The following SORCS2 variants were observed in gnomAD, a reference collection of about 807,000 sequenced individuals.
SORCS2 encodes VPS10 domain-containing receptor SorCS2.
Under a neutral mutation model 141.6 loss-of-function variants are expected in SORCS2, and 100 were observed. The observed-to-expected ratio is 0.71, with a 90% CI of 0.60 to 0.83. The LOEUF is 0.83. Among genes scored for constraint, SORCS2 ranks in the 40% least tolerant of loss-of-function variants. The pLI is 0.00. For missense variants in SORCS2, 1,646 were observed against 1,560.2 expected (o/e 1.05, Z -0.93); for synonymous variants, 789 against 676.9 (o/e 1.17, Z -2.57).
rs1448140905 is a variant in SORCS2, at chr4:7,350,234, C to T, written c.481-46054C>T. On this transcript the variant is annotated intron_variant, in intron 1 of 26. Transcript: ENST00000507866. ...TGTCCTTCCAAACCAGGAAAGCACTCCCCACATGCAGGTGTTTGCAGCAAT... is the reference window on the plus strand; with the variant it reads ...TGTCCTTCCAAACCAGGAAAGCACTTCCCACATGCAGGTGTTTGCAGCAAT... 2.0e-5 allele frequency among the ~76,000 whole-genome samples: 3 copies of T among 152,208 alleles called. No individual in the cohort carries two copies. The East Asian group carries it at 5.8e-4, about 29-fold the overall frequency.
chr4:7,462,832 G>A (rs1254712409), intron 2 of SORCS2, among the ~76,000 whole-genome samples: 1 of 150,254 alleles, frequency 6.7e-6, no homozygotes, highest in Non-Finnish European at 1.5e-5. Flanking sequence ...CTGTCACGGT[G>A]CACTCGCCAG....
intron 1 of SORCS2, among the ~76,000 whole-genome samples, chr4:7,371,109 C>A (rs1455975965): frequency 6.6e-6 from 1 of 152,228 alleles, no homozygotes; most frequent in Non-Finnish European, 1.5e-5. Flanking sequence ...GTGAAGGGAG[C>A]ACTTCACATG....
chr4:7,445,008 G>T (rs1171088636), intron 2 of SORCS2, among the ~76,000 whole-genome samples: 1 of 152,224 alleles, frequency 6.6e-6, no homozygotes, highest in Non-Finnish European at 1.5e-5. Flanking sequence ...CTGATCCAGG[G>T]CGGGGAGCAG....
chr4:7,611,929 C>T (rs1718430657), intron 3 of SORCS2, among the ~76,000 whole-genome samples: 1 of 152,216 alleles, frequency 6.6e-6, no homozygotes, highest in South Asian at 2.1e-4. Context: ...TGCCGAGAGG[C>T]CAGGGAGGCC....
chr4:7,583,935 G>A (rs1716357468), intron 3 of SORCS2, among the ~76,000 whole-genome samples: 1 of 152,174 alleles, frequency 6.6e-6, no homozygotes, highest in African/African-American at 2.4e-5. Flanking sequence ...CCTCTAATGT[G>A]CTACGTCTTA....
chr4:7,686,730 G>A (rs950489744), intron 10 of SORCS2, among the ~76,000 whole-genome samples: 11 of 152,240 alleles, frequency 7.2e-5, no homozygotes, highest in African/African-American at 2.2e-4. Context: ...CAAGCCTGCC[G>A]GCATTGCCCT....
intron 1 of SORCS2, among the ~76,000 whole-genome samples, chr4:7,211,912 T>C (rs1471541767): frequency 6.6e-6 from 1 of 152,090 alleles, no homozygotes; most frequent in Non-Finnish European, 1.5e-5. Context: ...CATAGAAGTG[T>C]TTTTTGTAGT....
rs956821996 is a variant in SORCS2, at chr4:7,638,583, C to A, written c.813+91C>A. The A allele has an allele frequency of 1.2e-5, 17 of 1,363,450 alleles. No individual in the cohort carries two copies. In the South Asian group the frequency reaches 2.2e-4, roughly 18 times the overall value. The allele number at this position is 1,363,450 out of a possible 1,614,324, so 84.5% of individuals were successfully genotyped here. On this transcript the variant is annotated intron_variant, in intron 4 of 26. Coordinates refer to ENST00000507866, the MANE Select transcript of SORCS2 (RefSeq NM_020777.3). Reference sequence around the variant, plus strand: ...GAGTGCCCACTTGGAGCAAGTGGGACCCGGAACCCCTGGGCTGGCTGAGGA... The same window carrying A: ...GAGTGCCCACTTGGAGCAAGTGGGAACCGGAACCCCTGGGCTGGCTGAGGA...
chr4:7,358,623 C>T (rs898814986), intron 1 of SORCS2, among the ~76,000 whole-genome samples: 6 of 152,138 alleles, frequency 3.9e-5, no homozygotes, highest in African/African-American at 1.4e-4. Context: ...CTCTAAGTAG[C>T]GTTTCTATTT....
chr4:7,416,867 C>A (rs912674984), intron 2 of SORCS2, among the ~76,000 whole-genome samples: 1 of 152,108 alleles, frequency 6.6e-6, no homozygotes, highest in African/African-American at 2.4e-5. Flanking sequence ...CACACTTGTG[C>A]ATGCTCAGAC....
chr4:7,282,325 G>A (rs190440125), intron 1 of SORCS2, among the ~76,000 whole-genome samples: 120 of 152,314 alleles, frequency 7.9e-4, no homozygotes, highest in African/African-American at 2.8e-3. Flanking sequence ...TTTAAGACAG[G>A]ATCTTTTCCT....
rs1339795136 is a variant in SORCS2 at position 7,388,030 on chromosome 4, GCACACATGCACA to G, written c.481-8241_481-8230del. Among the ~76,000 whole-genome samples the G allele has an allele frequency of 4.1e-4, 52 of 126,866 alleles. 1 individual carries two copies. Among genetic ancestry groups the G allele is most frequent in the African/African-American group, 1.4e-3 (44 of 32,262 alleles). 83.2% of individuals were successfully genotyped at this position (126,866 alleles called of 152,430 possible). On this transcript the variant is annotated intron_variant, in intron 1 of 26. Transcript: ENST00000507866. Reference sequence around the variant, plus strand: ...CACATGCATACAGATACACAGATACGCACACATGCACACACACATGCACACACATACAGTTAC... The same window carrying G: ...CACATGCATACAGATACACAGATACGCACACATGCACACACATACAGTTAC...
Position 7,661,483 on chromosome 4 carries a change from C to T in SORCS2, c.888-17C>T, listed in dbSNP as rs1330906374. 1.3e-6 allele frequency: 2 copies of T among 1,551,500 alleles called. No homozygotes were observed. The highest frequency in any genetic ancestry group is 1.4e-5 in the African/African-American group (1 of 73,132). On this transcript the variant is annotated splice_polypyrimidine_tract_variant and intron_variant, in intron 5 of 26. Coordinates refer to ENST00000507866, the MANE Select transcript of SORCS2 (RefSeq NM_020777.3). ...GTGACTCCATTCCCGACCCCAGCCT[C>T]AGCTCTTCTTTTCCAGGTCTGTGTC...
chr4:7,526,839 A>C (rs1009748135), intron 2 of SORCS2, among the ~76,000 whole-genome samples: 3 of 152,248 alleles, frequency 2.0e-5, no homozygotes, highest in African/African-American at 7.2e-5. Context: ...GTTTAAAATA[A>C]AGAACAGGTG....
intron 1 of SORCS2, among the ~76,000 whole-genome samples, chr4:7,269,300 G>A (rs1714956805): frequency 6.6e-6 from 1 of 152,208 alleles, no homozygotes; most frequent in African/African-American, 2.4e-5. Flanking sequence ...GGCAGGAAGG[G>A]AGCTGCCGTT....
intron 4 of SORCS2, among the ~76,000 whole-genome samples, chr4:7,652,539 C>T (rs890483557): frequency 2.0e-5 from 3 of 152,068 alleles, no homozygotes; most frequent in African/African-American, 7.2e-5. Flanking sequence ...GGAGTGGGCT[C>T]CCTGAGTATC....
At chr4:7,358,856 A>G (rs1721417602) in intron 1 of SORCS2, among the ~76,000 whole-genome samples, 1 of 152,172 alleles carries the variant, frequency 6.6e-6, no homozygotes, top group Non-Finnish European at 1.5e-5. Context: ...TATTTCTTTT[A>G]GAGACAGGGT....
At chr4:7,425,762 A>T (rs527798666) in intron 2 of SORCS2, among the ~76,000 whole-genome samples, 35 of 152,310 alleles carry the variant, frequency 2.3e-4, no homozygotes, top group Non-Finnish European at 4.0e-4. Context: ...GCGAGTTCTC[A>T]CATGACCAGC....
At chr4:7,238,289 CT>C (rs1577309766) in intron 1 of SORCS2, among the ~76,000 whole-genome samples, 2 of 144,522 alleles carry the variant, frequency 1.4e-5, no homozygotes, top group South Asian at 2.1e-4. Context: ...TAGAGGGAGT[CT>C]GGGGGGGGTT....
Sources: gnomAD v4.1 joint callset for allele counts (sites outside exome capture counted in the v4.1 genomes callset) on GRCh38, gnomAD v4.1.1 for gene constraint, MANE v1.5 for transcripts, NCBI Gene and HGNC (gene_info 2026-07-23, HGNC 2026-07-21) for gene names.